The following SVOP variants were observed in gnomAD, a reference collection of about 807,000 sequenced individuals.
The protein encoded by SVOP is SV2 related protein.
Under a neutral mutation model 69.1 loss-of-function variants are expected in SVOP, and 17 were observed. The observed-to-expected ratio is 0.25, with a 90% confidence interval of 0.17 to 0.37. The LOEUF (loss-of-function observed/expected upper bound fraction) is 0.37. Among genes scored for constraint, SVOP ranks in the 10% least tolerant of loss-of-function variants. SVOP has a pLI of 1.00. For synonymous variants in SVOP, 238 were observed against 238.6 expected, an observed-to-expected ratio of 1.00 and a Z score of 0.02; for missense variants, 435 against 597.5, an observed-to-expected ratio of 0.73 and a Z score of 2.84.
intron 10 of SVOP, 94 bp downstream of exon 10, chr12:108,937,170 A>T: frequency 7.7e-7 from 1 of 1,298,346 alleles, no homozygotes; most frequent in South Asian, 1.2e-5. Context: ...GCTGCCTGAA[A>T]TCAAAGTGCT....
At chr12:108,940,933 G>A in intron 7 of SVOP, 24 bp from the exon 8 acceptor site, 1 of 1,535,238 alleles carries the variant, frequency 6.5e-7, no homozygotes. Flanking sequence ...ATCAGGGTCA[G>A]TGGTGGGGGT....
At chr12:109,017,081 G>A (rs527977231) in intron 1 of SVOP, among the ~76,000 whole-genome samples, 5 of 152,246 alleles carry the variant, frequency 3.3e-5, no homozygotes, top group Admixed American at 1.3e-4. Flanking sequence ...TTATGGAAAT[G>A]TCCTAGACCA....
chr12:108,999,335 A>G (rs1421610038), intron 1 of SVOP, among the ~76,000 whole-genome samples: 1 of 151,520 alleles, frequency 6.6e-6, no homozygotes, highest in African/African-American at 2.4e-5. Flanking sequence ...ACCCACAAAG[A>G]GACTTAGACT....
chr12:108,943,093 T>C (rs888581496), intron 7 of SVOP, among the ~76,000 whole-genome samples: 2 of 152,016 alleles, frequency 1.3e-5, no homozygotes, highest in Admixed American at 1.3e-4. Context: ...GCAGTGATCC[T>C]AATTTTAGAA....
intron 11 of SVOP, among the ~76,000 whole-genome samples, chr12:108,925,402 C>T (rs1399239425): frequency 6.6e-6 from 1 of 152,120 alleles, no homozygotes; most frequent in Non-Finnish European, 1.5e-5. Flanking sequence ...TCTGGATTAC[C>T]AAAATAACCT....
rs150348238 is a variant in SVOP at position 108,956,615 on chromosome 12, C to T, written c.578+4308G>A. ...TGAAGGAGCAGCAATTCATCTTGAC[C>T]GAATCGGCACCTATTCTGAGTATTG... On this transcript the variant is annotated intron_variant, in intron 6 of 15. Coordinates refer to ENST00000610966, the MANE Select transcript of SVOP (RefSeq NM_018711.5). 3.9e-4 allele frequency among the ~76,000 whole-genome samples: 59 copies of T among 152,266 alleles called. 1 individual carries two copies. Among genetic ancestry groups the T allele is most frequent in the Non-Finnish European group, 7.5e-4 (51 of 68,024 alleles).
intron 4 of SVOP, 62 bp downstream of exon 4, chr12:108,977,336 C>G: frequency 6.6e-7 from 1 of 1,512,718 alleles, no homozygotes; most frequent in African/African-American, 1.4e-5. Flanking sequence ...GGGAGATATC[C>G]CACAGGACAC....
chr12:108,983,074 C>T lies in SVOP; in HGVS notation c.196+527G>A, dbSNP rs1268000812. On this transcript the variant is annotated intron_variant, in intron 2 of 15. Coordinates refer to ENST00000610966, the MANE Select transcript of SVOP (RefSeq NM_018711.5). ...CCATCATCACCATCACCATCATCAC[C>T]ATCATCATGATCACCATCATCATGA... Among the ~76,000 whole-genome samples, 103 of 149,482 alleles carry T rather than the reference C, an allele frequency of 6.9e-4. 1 individual carries two copies. The highest frequency in any genetic ancestry group is 2.5e-3 in the African/African-American group (102 of 40,154).
intron 5 of SVOP, among the ~76,000 whole-genome samples, 156 bp from the exon 6 acceptor site, chr12:108,961,203 C>G (rs1036885030): frequency 6.6e-6 from 1 of 152,136 alleles, no homozygotes; most frequent in Non-Finnish European, 1.5e-5. Flanking sequence ...TGCCAACCCA[C>G]AGGGGTTGGG....
At chr12:108,974,089 G>A (rs1158424179) in intron 4 of SVOP, among the ~76,000 whole-genome samples, 1 of 152,172 alleles carries the variant, frequency 6.6e-6, no homozygotes, top group African/African-American at 2.4e-5. Context: ...AGTGGCATTA[G>A]TTTATTGAGT....
Position 108,909,651 on chromosome 12 carries a change from C to T in SVOP, c.*2884G>A, listed in dbSNP as rs1436723580. The T allele has an allele frequency of 6.6e-6, 1 of 152,122 alleles. No homozygotes were observed. The highest frequency in any genetic ancestry group is 1.5e-5 in the Non-Finnish European group (1 of 68,044). 9.4% of individuals were successfully genotyped at this position (152,122 alleles called of 1,614,324 possible). On this transcript the variant is annotated 3_prime_UTR_variant, in exon 16 of 16. Transcript: ENST00000610966. ...CTGTTTCATCCCATTGTGAACACCA[C>T]CAAGGTCAGTTATATGTTTTTCAGA...
intron 7 of SVOP, among the ~76,000 whole-genome samples, chr12:108,944,279 G>T (rs918855365): frequency 6.6e-6 from 1 of 151,896 alleles, no homozygotes; most frequent in African/African-American, 2.4e-5. Flanking sequence ...CTGGCCTCAA[G>T]TGATCCTCTT....
At chr12:108,986,605 C>T (rs922940549) in intron 1 of SVOP, among the ~76,000 whole-genome samples, 4 of 152,094 alleles carry the variant, frequency 2.6e-5, no homozygotes, top group Non-Finnish European at 5.9e-5. Flanking sequence ...AGGCATTTCA[C>T]ATTTTAAAAT....
At chr12:109,018,939 A>C (rs1389782932) in intron 1 of SVOP, among the ~76,000 whole-genome samples, 1 of 152,224 alleles carries the variant, frequency 6.6e-6, no homozygotes, top group Non-Finnish European at 1.5e-5. Flanking sequence ...GTAGCTAAGG[A>C]AACTGAGTCT....
At chr12:108,944,224 C>A (rs1164153363) in intron 7 of SVOP, among the ~76,000 whole-genome samples, 3 of 151,260 alleles carry the variant, frequency 2.0e-5, no homozygotes, top group Non-Finnish European at 4.4e-5. Flanking sequence ...GCCACTCAGG[C>A]TGGAGTGCAG....
At chr12:108,944,172 G>A (rs1366945714) in intron 7 of SVOP, among the ~76,000 whole-genome samples, 6 of 150,776 alleles carry the variant, frequency 4.0e-5, no homozygotes, top group African/African-American at 1.2e-4. Flanking sequence ...GAGCCACTGC[G>A]CCTGGCCTTT....
At chr12:109,006,576 A>G (rs541613514) in intron 1 of SVOP, among the ~76,000 whole-genome samples, 6 of 152,254 alleles carry the variant, frequency 3.9e-5, no homozygotes, top group South Asian at 2.1e-4. Flanking sequence ...GTGGTTTCCC[A>G]GGAAAGAAAT....
chr12:108,965,123 C>A (rs895143740), intron 5 of SVOP, among the ~76,000 whole-genome samples: 7 of 152,222 alleles, frequency 4.6e-5, no homozygotes, highest in African/African-American at 1.7e-4. Flanking sequence ...AGGAACATGA[C>A]AGCCAGAGTC....
chr12:108,971,337 G>A (rs931441691), intron 5 of SVOP, among the ~76,000 whole-genome samples: 8 of 151,598 alleles, frequency 5.3e-5, no homozygotes, highest in Non-Finnish European at 1.2e-4. Context: ...GCTGAGGCAG[G>A]AGAATCACTT....
Sources: allele counts gnomAD v4.1 joint callset (sites outside exome capture counted in the v4.1 genomes callset), GRCh38; gene constraint gnomAD v4.1.1; transcripts MANE v1.5; gene names NCBI Gene and HGNC (gene_info 2026-07-23, HGNC 2026-07-21).